The following MLLT10 variants were observed in gnomAD, a reference collection of about 807,000 sequenced individuals.
MLLT10 encodes the protein MLLT10 histone lysine methyltransferase DOT1L cofactor.
A neutral mutation model predicts 129.1 loss-of-function variants in MLLT10; 30 were observed. That is an observed-to-expected ratio of 0.23 (90% confidence interval 0.17 to 0.32). The LOEUF is 0.32. MLLT10 is among the 10% of genes least tolerant of loss of function. The pLI is 1.00. For missense variants in MLLT10, 1,119 were observed against 1,268.3 expected (o/e 0.88, Z 1.79); for synonymous variants, 490 against 446.4 (o/e 1.10, Z -1.23).
chr10:21,546,657 T>G (rs2036127035), intron 3 of MLLT10, among the ~76,000 whole-genome samples: 1 of 151,406 alleles, frequency 6.6e-6, no homozygotes, highest in Non-Finnish European at 1.5e-5. Flanking sequence ...AGCCTCTGCC[T>G]CCTGGGTTCA....
At chr10:21,666,508 C>T (rs1337492404) in intron 9 of MLLT10, among the ~76,000 whole-genome samples, 2 of 151,740 alleles carry the variant, frequency 1.3e-5, no homozygotes, top group African/African-American at 4.8e-5. Context: ...ACTAAAAACA[C>T]AAAAATTAGC....
At chr10:21,725,944 G>A (rs1017069639) in intron 14 of MLLT10, among the ~76,000 whole-genome samples, 2 of 151,746 alleles carry the variant, frequency 1.3e-5, no homozygotes, top group East Asian at 4.0e-4. Context: ...TAGAGACGGG[G>A]GTTTCACCAT....
At chr10:21,626,135 T>G (rs1000199855) in intron 8 of MLLT10, 16 of 1,610,156 alleles carry the variant, frequency 9.9e-6, no homozygotes, top group Admixed American at 1.7e-5. Flanking sequence ...CCTGTAGGTC[T>G]TCATAACTCC....
Position 21,740,065 on chromosome 10 carries a change from A to T in MLLT10, c.2991A>T (p.Gln997His), listed in dbSNP as rs1038207417. 2.5e-6 allele frequency: 4 copies of T among 1,612,994 alleles called. No individual in the cohort carries two copies. The highest frequency in any genetic ancestry group is 1.7e-5 in the Admixed American group (1 of 59,822). Residue 997 changes from glutamine to histidine, a missense_variant, in exon 22 of 23, where the codon CAA becomes CAT. Coordinates refer to ENST00000307729, the MANE Select transcript of MLLT10 (RefSeq NM_001195626.3). Reference sequence around the variant, plus strand: ...AAGCCTTTTTGTATCAGTTAATGCAACATCACCACCAGCAGCACCACCAAC... The same window carrying T: ...AAGCCTTTTTGTATCAGTTAATGCATCATCACCACCAGCAGCACCACCAAC... Reference protein sequence around the residue: ...QHQAFLYQLMQHHHQQHHQPE... With the variant: ...QHQAFLYQLMHHHHQQHHQPE...
chr10:21,734,256 A>T (rs2058180261), intron 20 of MLLT10, 127 bp downstream of exon 20: 1 of 1,059,698 alleles, frequency 9.4e-7, no homozygotes. Flanking sequence ...AAAAATTTTA[A>T]GTATATTATA....
chr10:21,688,861 C>T (rs1207814103), intron 13 of MLLT10, among the ~76,000 whole-genome samples: 2 of 152,094 alleles, frequency 1.3e-5, no homozygotes, highest in African/African-American at 4.8e-5. Flanking sequence ...CCTTCTCACA[C>T]TGAGATCAGG....
chr10:21,619,254 T>C (rs1386264448), intron 8 of MLLT10, among the ~76,000 whole-genome samples: 1 of 152,196 alleles, frequency 6.6e-6, no homozygotes, highest in East Asian at 1.9e-4. Flanking sequence ...TTATTTAAGC[T>C]TTTTAAGTCA....
intron 13 of MLLT10, among the ~76,000 whole-genome samples, chr10:21,697,064 T>C (rs559099160): frequency 1.8e-4 from 21 of 117,292 alleles, no homozygotes; most frequent in African/African-American, 6.5e-4. Context: ...TTGATTGTTA[T>C]ATAATCCACA....
intron 3 of MLLT10, among the ~76,000 whole-genome samples, chr10:21,582,953 G>A (rs1434873084): frequency 6.6e-6 from 1 of 152,180 alleles, no homozygotes; most frequent in Non-Finnish European, 1.5e-5. Flanking sequence ...TGGATCACTT[G>A]AGGCCAGGAG....
At chr10:21,655,086 G>T (rs1428057509) in intron 9 of MLLT10, among the ~76,000 whole-genome samples, 1 of 152,070 alleles carries the variant, frequency 6.6e-6, no homozygotes, top group Non-Finnish European at 1.5e-5. Context: ...ATTATTGAGG[G>T]TTTGAGATTA....
chr10:21,609,796 T>C (rs1056804449), intron 5 of MLLT10, among the ~76,000 whole-genome samples: 1 of 152,198 alleles, frequency 6.6e-6, no homozygotes, highest in Non-Finnish European at 1.5e-5. Flanking sequence ...GTACTCTTTA[T>C]TAGTTTTCTT....
intron 21 of MLLT10, among the ~76,000 whole-genome samples, chr10:21,737,323 CAT>C (rs1289427137): frequency 6.6e-6 from 1 of 152,120 alleles, no homozygotes; most frequent in African/African-American, 2.4e-5. Context: ...CACCTCAAGA[CAT>C]GTCACTTTGG....
intron 21 of MLLT10, among the ~76,000 whole-genome samples, chr10:21,739,522 T>C (rs547698348): frequency 6.6e-6 from 1 of 152,216 alleles, no homozygotes; most frequent in Non-Finnish European, 1.5e-5. Context: ...AACGTTTTCA[T>C]TTATTTCCCT....
At chr10:21,714,240 A>AG (rs1441038602) in intron 14 of MLLT10, among the ~76,000 whole-genome samples, 3 of 152,200 alleles carry the variant, frequency 2.0e-5, no homozygotes, top group Admixed American at 6.5e-5. Context: ...TCTTTAAAAA[A>AG]GTAGGACCCA....
intron 8 of MLLT10, among the ~76,000 whole-genome samples, chr10:21,624,022 G>A (rs1037182935): frequency 2.6e-5 from 4 of 151,992 alleles, no homozygotes; most frequent in African/African-American, 9.7e-5. Context: ...GGCTTTTGAC[G>A]TTTAAGCCAA....
intron 13 of MLLT10, among the ~76,000 whole-genome samples, chr10:21,710,145 T>C (rs2055934698): frequency 6.6e-6 from 1 of 152,242 alleles, no homozygotes. Flanking sequence ...TAAATGGTAA[T>C]GTTATTTAGG....
chr10:21,567,690 A>G (rs1481337437), intron 3 of MLLT10, among the ~76,000 whole-genome samples: 1 of 151,966 alleles, frequency 6.6e-6, no homozygotes, highest in African/African-American at 2.4e-5. Context: ...CATTGCTGGT[A>G]TGGGTGGGGC....
intron 3 of MLLT10, among the ~76,000 whole-genome samples, chr10:21,579,782 CG>C (rs551414074): frequency 4.3e-4 from 65 of 151,762 alleles, no homozygotes; most frequent in African/African-American, 1.5e-3. Context: ...AGGCTGGTCT[CG>C]AACTCCTGAG....
intron 3 of MLLT10, among the ~76,000 whole-genome samples, chr10:21,586,003 C>T (rs1249275060): frequency 5.3e-5 from 8 of 152,160 alleles, no homozygotes; most frequent in Admixed American, 2.6e-4. Flanking sequence ...TCAGCTAATC[C>T]GCCTGCCTCA....
Sources: gnomAD v4.1 joint callset for allele counts (sites outside exome capture counted in the v4.1 genomes callset) on GRCh38, gnomAD v4.1.1 for gene constraint, MANE v1.5 for transcripts, NCBI Gene and HGNC (gene_info 2026-07-23, HGNC 2026-07-21) for gene names.